Variants in KRIT1 observed in about 807,000 individuals in gnomAD.
The protein encoded by KRIT1 is krev interaction trapped protein 1.
A neutral mutation model predicts 95.8 loss-of-function variants in KRIT1; 45 were observed. That is an observed-to-expected ratio of 0.47 (90% confidence interval 0.37 to 0.60). The LOEUF (loss-of-function observed/expected upper bound fraction) is 0.60, where lower values mean the gene tolerates loss of function less well. Ranked by LOEUF, KRIT1 falls within the 20% of genes least tolerant of loss-of-function variation. KRIT1 has a pLI of 0.00. For missense variants in KRIT1, 788 were observed against 877.5 expected (o/e 0.90, Z 1.29); for synonymous variants, 282 against 278.8 (o/e 1.01, Z -0.11).
intron 17 of KRIT1, 63 bp downstream of exon 17, chr7:92,213,132 A>G: frequency 9.3e-7 from 1 of 1,080,798 alleles, no homozygotes; most frequent in Non-Finnish European, 1.4e-6. Flanking sequence ...TTCTTCATGT[A>G]GGTTGGTACT....
At chr7:92,241,570 A>G (rs1023069309) in intron 4 of KRIT1, among the ~76,000 whole-genome samples, 3 of 152,250 alleles carry the variant, frequency 2.0e-5, no homozygotes, top group Non-Finnish European at 4.4e-5. Flanking sequence ...ATGTATGTAC[A>G]TATAGCCTTA....
chr7:92,214,433 T>C lies in KRIT1; in HGVS notation c.1730+178A>G, dbSNP rs529825384. On this transcript the variant is annotated intron_variant, in intron 15 of 18. Coordinates refer to ENST00000394505, the MANE Select transcript of KRIT1 (RefSeq NM_194454.3). ...ATAGTCAAATATAAGAAAAGTAAAA[T>C]TGGAGAGTATAACTTTAAGAATGCT... Among the ~76,000 whole-genome samples the C allele has an allele frequency of 8.5e-5, 13 of 152,200 alleles. No homozygotes were observed. In the East Asian group the frequency reaches 1.5e-3, roughly 18 times the overall value.
chr7:92,204,470 T>C (rs952774444), intron 17 of KRIT1, among the ~76,000 whole-genome samples: 2 of 151,812 alleles, frequency 1.3e-5, no homozygotes, highest in African/African-American at 4.8e-5. Context: ...TACTATTATA[T>C]TGTAATATGT....
chr7:92,237,077 A>G (rs1367677990), intron 6 of KRIT1, among the ~76,000 whole-genome samples: 1 of 152,142 alleles, frequency 6.6e-6, no homozygotes, highest in Non-Finnish European at 1.5e-5. Context: ...AGTAGATAGC[A>G]ATATTGTCCC....
chr7:92,239,600 C>A (rs1233806782), intron 5 of KRIT1, among the ~76,000 whole-genome samples: 1 of 151,968 alleles, frequency 6.6e-6, no homozygotes. Flanking sequence ...TTTTAATAAG[C>A]TAAGATTGCT....
chr7:92,212,704 C>A (rs1312985687), intron 17 of KRIT1, among the ~76,000 whole-genome samples: 1 of 152,160 alleles, frequency 6.6e-6, no homozygotes, highest in East Asian at 1.9e-4. Flanking sequence ...GTTCATTAGC[C>A]AATCAGTCTA....
chr7:92,201,622 G>A (rs921155295), intron 17 of KRIT1, 199 bp from the exon 18 acceptor site: 1 of 527,596 alleles, frequency 1.9e-6, no homozygotes, highest in African/African-American at 1.9e-5. Flanking sequence ...TGCCATGGTG[G>A]TTTGCTGCAC....
intron 12 of KRIT1, 134 bp downstream of exon 12, chr7:92,225,586 C>T: frequency 1.5e-6 from 1 of 672,112 alleles, no homozygotes. Context: ...AGCCACCATA[C>T]CTGGCCTACA....
intron 10 of KRIT1, among the ~76,000 whole-genome samples, chr7:92,227,982 G>A (rs977678326): frequency 2.4e-4 from 36 of 152,002 alleles, no homozygotes; most frequent in Non-Finnish European, 1.5e-5. Flanking sequence ...CATTGCACTC[G>A]AGGCTGGGTG....
chr7:92,209,650 T>C (rs934288349), intron 17 of KRIT1, among the ~76,000 whole-genome samples: 2 of 152,052 alleles, frequency 1.3e-5, no homozygotes, highest in African/African-American at 4.8e-5. Context: ...TAAATCTAAC[T>C]AAAAAACTGA....
Position 92,225,613 on chromosome 7 carries a change from G to A in KRIT1, c.1254+107C>T, listed in dbSNP as rs868834957. 4 of 736,372 alleles carry A rather than the reference G, an allele frequency of 5.4e-6. No individual in the cohort carries two copies. In the African/African-American group the frequency reaches 7.0e-5, roughly 13 times the overall value. 45.6% of individuals were successfully genotyped at this position (736,372 alleles called of 1,614,324 possible). ...TGGCCTACAATGAGGTTTTATAGCA[G>A]TAAAGAAGCCATCTAATCGTCTTTC... On this transcript the variant is annotated intron_variant, in intron 12 of 18. Transcript: ENST00000394505.
chr7:92,226,443 A>C, intron 11 of KRIT1, 83 bp downstream of exon 11: 1 of 1,064,546 alleles, frequency 9.4e-7, no homozygotes, highest in Non-Finnish European at 1.5e-6. Context: ...ATGAACTCTC[A>C]AACATACAAT....
intron 14 of KRIT1, among the ~76,000 whole-genome samples, chr7:92,215,171 A>T (rs2131334443): frequency 6.6e-6 from 1 of 152,298 alleles, no homozygotes; most frequent in South Asian, 2.1e-4. Context: ...GTATACAAAA[A>T]TTGGCAAAAT....
Position 92,225,521 on chromosome 7 carries a change from T to C in KRIT1, c.1254+199A>G, listed in dbSNP as rs988017927. On this transcript the variant is annotated intron_variant, in intron 12 of 18. Coordinates refer to ENST00000394505, the MANE Select transcript of KRIT1 (RefSeq NM_194454.3). Reference sequence around the variant, plus strand: ...TGGGGTTTCACCATGTCTGGATCTCTTGACCTTGTGATCTGCCTGCCTCAG... The same window carrying C: ...TGGGGTTTCACCATGTCTGGATCTCCTGACCTTGTGATCTGCCTGCCTCAG... Among the ~76,000 whole-genome samples, 17 of 152,144 alleles carry C rather than the reference T, an allele frequency of 1.1e-4. No individual in the cohort carries two copies. The highest frequency in any genetic ancestry group is 3.2e-3 in the Middle Eastern group (1 of 316).
chr7:92,237,576 T>C (rs1584997184), intron 6 of KRIT1, 91 bp downstream of exon 6: 1 of 648,056 alleles, frequency 1.5e-6, no homozygotes, highest in Non-Finnish European at 2.8e-6. Flanking sequence ...ATTATAGTAG[T>C]AACTATGAAT....
chr7:92,214,340 G>C (rs1307698707), intron 15 of KRIT1, among the ~76,000 whole-genome samples: 2 of 151,964 alleles, frequency 1.3e-5, no homozygotes, highest in East Asian at 3.9e-4. Flanking sequence ...CTACTTATTC[G>C]AGTCAGGTTT....
chr7:92,205,756 C>T (rs1217542914), intron 17 of KRIT1: 1 of 152,112 alleles, frequency 6.6e-6, no homozygotes, highest in African/African-American at 2.4e-5. Flanking sequence ...CAAAATGAAA[C>T]AAATTAGATT....
In KRIT1 at chr7:92,235,600, A is replaced by G. The variant is rs1482016687; in HGVS notation, c.532T>C (p.Phe178Leu). The change falls in exon 8 of 19, where the codon TTC (phenylalanine) becomes CTC (leucine). Residue 178 changes from phenylalanine to leucine, a missense_variant. Phe to Leu is a conservative substitution (Grantham distance 22). This residue lies in a region of KRIT1 where 289 missense variants were observed against 277.5 expected (regional missense o/e 1.04). Coordinates refer to ENST00000394505, the MANE Select transcript of KRIT1 (RefSeq NM_194454.3). ...HAQSHFIPAL[F>L]RPSPLERIKT... ...ATCCGCTCAAGAGGAGAAGGTCGGA[A>G]TAAAGCTGGAATAAAGTGAGATTGT... 1.2e-6 allele frequency: 2 copies of G among 1,613,906 alleles called. No homozygotes were observed. Among genetic ancestry groups the G allele is most frequent in the Admixed American group, 1.7e-5 (1 of 60,018 alleles).
intron 17 of KRIT1, chr7:92,206,366 G>A (rs1791493542): frequency 6.6e-6 from 1 of 152,408 alleles, no homozygotes; most frequent in African/African-American, 2.4e-5. Context: ...AACTACTAGT[G>A]CCTGAGCACT....
Sources: allele counts gnomAD v4.1 joint callset (sites outside exome capture counted in the v4.1 genomes callset), GRCh38; gene constraint gnomAD v4.1.1; regional missense constraint gnomAD v4.1.1; transcripts MANE v1.5; gene names NCBI Gene and HGNC (gene_info 2026-07-23, HGNC 2026-07-21).